The following SERPINB7 variants were observed in gnomAD, a reference collection of about 807,000 sequenced individuals.
The protein encoded by SERPINB7 is serpin family B member 7.
Under a neutral mutation model 37.4 loss-of-function variants are expected in SERPINB7, and 31 were observed. The observed-to-expected ratio is 0.83, with a 90% CI of 0.62 to 1.12. The LOEUF (loss-of-function observed/expected upper bound fraction) is 1.12, where lower values mean the gene tolerates loss of function less well. SERPINB7 is among the 50% of genes most tolerant of loss of function. SERPINB7 has a pLI of 0.00. For missense variants in SERPINB7, 521 were observed against 455.3 expected (o/e 1.14, Z -1.31); for synonymous variants, 163 against 166.1 (o/e 0.98, Z 0.14).
chr18:63,786,748 C>T (rs932124990), intron 2 of SERPINB7, among the ~76,000 whole-genome samples: 66 of 152,264 alleles, frequency 4.3e-4, no homozygotes, highest in African/African-American at 1.4e-3. Context: ...GATTTCCCTA[C>T]ATAAGCACAT....
At chr18:63,781,336 A>G (rs1482834205) in intron 1 of SERPINB7, among the ~76,000 whole-genome samples, 2 of 152,236 alleles carry the variant, frequency 1.3e-5, no homozygotes, top group African/African-American at 4.8e-5. Context: ...AGAAGTTCAG[A>G]GAAATTAAAG....
intron 7 of SERPINB7, 149 bp from the exon 8 acceptor site, chr18:63,804,088 C>T (rs2049578574): frequency 5.1e-6 from 3 of 585,274 alleles, no homozygotes; most frequent in South Asian, 2.6e-5. Flanking sequence ...TATTCATGTT[C>T]TGTTTCAAGA....
upstream of SERPINB7, among the ~76,000 whole-genome samples, chr18:63,774,504 A>G (rs1194917808): frequency 6.6e-6 from 1 of 152,086 alleles, no homozygotes; most frequent in Non-Finnish European, 1.5e-5. Flanking sequence ...TACGGCCAGA[A>G]ACTGAAATGT....
rs140155516 is a variant in SERPINB7 at position 63,757,943 on chromosome 18, G to T, written c.-19+4823G>T. Among the ~76,000 whole-genome samples the T allele has an allele frequency of 5.7e-3, 875 of 152,306 alleles. 7 individuals are homozygous for T. Among genetic ancestry groups the T allele is most frequent in the Non-Finnish European group, 8.0e-3 (546 of 68,026 alleles). ...TAATCTGCTCCCTCAAGTACAAGTAGCTTCATCAGGAGGATCAGAAGGGTG... is the reference window on the plus strand; with the variant it reads ...TAATCTGCTCCCTCAAGTACAAGTATCTTCATCAGGAGGATCAGAAGGGTG... On this transcript the variant is annotated intron_variant, in intron 1 of 7. Coordinates refer to the SERPINB7 transcript ENST00000336429.
intron 2 of SERPINB7, among the ~76,000 whole-genome samples, chr18:63,790,501 A>G (rs1363586314): frequency 6.6e-6 from 1 of 152,226 alleles, no homozygotes; most frequent in Non-Finnish European, 1.5e-5. Context: ...CACAAAATAT[A>G]GTTTTTAAAT....
intron 1 of SERPINB7, among the ~76,000 whole-genome samples, chr18:63,762,859 C>T (rs113762544): frequency 6.6e-6 from 1 of 152,120 alleles, no homozygotes; most frequent in Non-Finnish European, 1.5e-5. Flanking sequence ...GATCATAAAA[C>T]AGGAGTTATA....
chr18:63,772,657 G>A (rs1373619570), upstream of SERPINB7, among the ~76,000 whole-genome samples: 1 of 152,078 alleles, frequency 6.6e-6, no homozygotes, highest in East Asian at 1.9e-4. Flanking sequence ...ATTAGATTTG[G>A]ATTTTGTTTA....
intron 1 of SERPINB7, among the ~76,000 whole-genome samples, chr18:63,777,182 C>T (rs1161018199): frequency 6.6e-6 from 1 of 151,988 alleles, no homozygotes; most frequent in Admixed American, 6.6e-5. Flanking sequence ...AGTGATTATA[C>T]ACATACATAG....
chr18:63,803,379 A>AT lies in SERPINB7; in HGVS notation c.745-858_745-857insT, dbSNP rs1599024794. 2.6e-5 allele frequency among the ~76,000 whole-genome samples: 4 copies of AT among 152,354 alleles called. No individual in the cohort carries two copies. The East Asian group carries it at 7.7e-4, about 29-fold the overall frequency. On this transcript the variant is annotated intron_variant, in intron 7 of 7. Transcript: ENST00000398019. ...CTTGATAAGAATACAAGTTAAATTT[A>AT]ATATCAGTAAAAAGTTGTTTAGGAT...
At chr18:63,781,479 A>C (rs1391380121) in intron 1 of SERPINB7, among the ~76,000 whole-genome samples, 1 of 152,250 alleles carries the variant, frequency 6.6e-6, no homozygotes, top group East Asian at 1.9e-4. Flanking sequence ...TTGGACATTC[A>C]TGAGGAATAA....
At chr18:63,760,631 C>A (rs1371250896) in intron 1 of SERPINB7, among the ~76,000 whole-genome samples, 1 of 152,172 alleles carries the variant, frequency 6.6e-6, no homozygotes, top group Non-Finnish European at 1.5e-5. Context: ...GTTTTGTGGG[C>A]TGGGCCCAGG....
At chr18:63,761,881 G>A (rs144614377) in intron 1 of SERPINB7, among the ~76,000 whole-genome samples, 145 of 152,006 alleles carry the variant, frequency 9.5e-4, no homozygotes, top group African/African-American at 2.9e-3. Flanking sequence ...TTTATCAGCC[G>A]TGCAAAAACA....
At chr18:63,793,986 C>T (rs969745129) in intron 4 of SERPINB7, among the ~76,000 whole-genome samples, 11 of 151,986 alleles carry the variant, frequency 7.2e-5, no homozygotes, top group South Asian at 2.1e-4. Flanking sequence ...CTCTGTTGCC[C>T]GGGATGGAGT....
Position 63,800,971 on chromosome 18 carries a change from A to G in SERPINB7, c.703A>G (p.Ile235Val). 6.2e-7 allele frequency: 1 copy of G among 1,614,004 alleles called. No homozygotes were observed. The highest frequency in any genetic ancestry group is 8.5e-7 in the Non-Finnish European group (1 of 1,179,870). The change falls in exon 7 of 8, where the codon ATA becomes GTA. Residue 235 changes from isoleucine to valine, a missense_variant. Coordinates refer to ENST00000398019, the MANE Select transcript of SERPINB7 (RefSeq NM_003784.4). ...KILELRYNGGINMYVLLPEND... is the reference protein window; with the variant it reads ...KILELRYNGGVNMYVLLPEND... ...TCTTGAGCTCAGATACAATGGTGGC[A>G]TAAACATGTACGTTCTGCTGCCTGA...
Position 63,804,941 on chromosome 18 carries a change from G to T in SERPINB7, c.*306G>T. On this transcript the variant is annotated 3_prime_UTR_variant, in exon 8 of 8. Transcript: ENST00000398019. The stretch of plus-strand genomic sequence containing the variant: ...GGAAATTATGGAGAGTGCTCAACTG[G>T]TAAGGAGAACGTAGAAGTAGCCCTA... 3.3e-6 allele frequency: 1 copy of T among 306,820 alleles called. No individual in the cohort carries two copies. 19.0% of individuals were successfully genotyped at this position (306,820 alleles called of 1,614,324 possible). A position where few individuals can be genotyped will look rare whatever the true frequency, so the allele number is the denominator to read the frequency against.
chr18:63,781,588 C>G (rs1311284187), intron 1 of SERPINB7, among the ~76,000 whole-genome samples: 1 of 152,134 alleles, frequency 6.6e-6, no homozygotes, highest in African/African-American at 2.4e-5. Flanking sequence ...AAAAATTACC[C>G]AAGTGGATCC....
In SERPINB7 at chr18:63,796,303, A is replaced by AAGTGGAGCGAGTTGACTTTAC. The variant is rs1335787403; in HGVS notation, c.375_395dup (p.Val126_Thr132dup). The AAGTGGAGCGAGTTGACTTTAC allele has an allele frequency of 6.2e-7, 1 of 1,613,398 alleles. No homozygotes were observed. Among genetic ancestry groups the AAGTGGAGCGAGTTGACTTTAC allele is most frequent in the Admixed American group, 1.7e-5 (1 of 60,008 alleles). ...TGTGCCGAAAAATTATACGATGCCA[A>AAGTGGAGCGAGTTGACTTTAC]AGTGGAGCGAGTTGACTTTACGAAT... On this transcript the variant is annotated inframe_insertion, in exon 5 of 8. Transcript: ENST00000398019.
At chr18:63,802,648 C>T in intron 7 of SERPINB7, among the ~76,000 whole-genome samples, 1 of 152,114 alleles carries the variant, frequency 6.6e-6, no homozygotes, top group East Asian at 1.9e-4. Context: ...AAGTTACATA[C>T]ACTTAAAAGT....
At chr18:63,791,324 A>C (rs2049424923) in intron 2 of SERPINB7, among the ~76,000 whole-genome samples, 1 of 152,242 alleles carries the variant, frequency 6.6e-6, no homozygotes, top group Non-Finnish European at 1.5e-5. Flanking sequence ...AATGGTGATG[A>C]CATAGAGTTT....
Sources: gnomAD v4.1 joint callset for allele counts (sites outside exome capture counted in the v4.1 genomes callset) on GRCh38, gnomAD v4.1.1 for gene constraint, MANE v1.5 for transcripts, NCBI Gene and HGNC (gene_info 2026-07-23, HGNC 2026-07-21) for gene names.